Variants in FBXO41 observed in about 807,000 individuals in gnomAD.
FBXO41 encodes F-box protein 41, also known as F-box only protein 41.
FBXO41 carries 33 observed loss-of-function variants against 81.6 expected under a neutral mutation model. The observed-to-expected ratio is 0.40, with a 90% CI of 0.31 to 0.54. The LOEUF (loss-of-function observed/expected upper bound fraction) is 0.54, where lower values mean the gene tolerates loss of function less well. FBXO41 is among the 20% of genes least tolerant of loss of function. FBXO41 has a pLI of 0.39. For synonymous variants in FBXO41, 576 were observed against 552.7 expected (o/e 1.04, Z -0.59); for missense variants, 1,107 against 1,236.0 (o/e 0.90, Z 1.56).
rs1366354002 is a variant in FBXO41, at chr2:73,269,338, G to C, written c.293C>G (p.Pro98Arg). ...SFQGKEQAAG[P>R]SPAAPHLLHH... The stretch of plus-strand genomic sequence containing the variant: ...CAGCAGGTGCGGCGCCGCGGGCGAC[G>C]GCCCGGCCGCCTGCTCCTTGCCCTG... Residue 98 changes from proline to arginine, a missense_variant, in exon 2 of 13, where the codon CCG becomes CGG. Physicochemically the swap from Pro to Arg is moderately radical, Grantham distance 103 (BLOSUM62 -2). This residue lies in a region of FBXO41 where 771 missense variants were observed against 789.2 expected (regional missense o/e 0.98). Transcript: ENST00000520530. This position sits in a 1 kb window ranked among gnomAD's most constrained non-coding sequence, Gnocchi z 7.0. 7 of 1,520,298 alleles carry C rather than the reference G, an allele frequency of 4.6e-6. No homozygotes were observed. Among genetic ancestry groups the C allele is most frequent in the Middle Eastern group, 3.5e-4 (2 of 5,692 alleles). The allele number at this position is 1,520,298 out of a possible 1,614,324, so 94.2% of individuals were successfully genotyped here.
At chr2:73,268,080 G>A (rs1163356496) in intron 2 of FBXO41, among the ~76,000 whole-genome samples, 1 of 152,200 alleles carries the variant, frequency 6.6e-6, no homozygotes, top group Non-Finnish European at 1.5e-5. Context: ...TGTCCCGGAA[G>A]CCAAGTGAAG....
In FBXO41 at chr2:73,256,093, T is replaced by C. The variant is rs1007126098; in HGVS notation, c.*2889A>G. ...AGGTAGGTACTGGGGCCAGACTGGA[T>C]GGCAGGGGGTGGTAGAAACACCAAG... On this transcript the variant is annotated 3_prime_UTR_variant, in exon 13 of 13. Transcript: ENST00000520530. 1.3e-5 allele frequency: 2 copies of C among 152,156 alleles called. No individual in the cohort carries two copies. Among genetic ancestry groups the C allele is most frequent in the African/African-American group, 4.8e-5 (2 of 41,424 alleles). The allele number at this position is 152,156 out of a possible 1,614,324, so 9.4% of individuals were successfully genotyped here.
At chr2:73,281,810 A>C (rs575568403) in intron 1 of FBXO41, among the ~76,000 whole-genome samples, 1 of 152,192 alleles carries the variant, frequency 6.6e-6, no homozygotes, top group Non-Finnish European at 1.5e-5. Context: ...TTAAATCCAG[A>C]AATTCTGGGG....
chr2:73,267,630 A>G (rs1688316684), intron 2 of FBXO41, among the ~76,000 whole-genome samples: 1 of 152,172 alleles, frequency 6.6e-6, no homozygotes, highest in Non-Finnish European at 1.5e-5. Context: ...CTATATACAA[A>G]TGCTCCTTGG....
Position 73,268,812 on chromosome 2 carries a change from G to A in FBXO41, c.819C>T (p.Ser273=), listed in dbSNP as rs1200549460. Reference sequence around the variant, plus strand: ...GCTCTACGCTCACGTCCACCTGGCGGGAGAGCTCAGACGCGCGCTCCTCCA... The same window carrying A: ...GCTCTACGCTCACGTCCACCTGGCGAGAGAGCTCAGACGCGCGCTCCTCCA... The part of the protein sequence containing the change: ...EELEERASEL[S]RQVDVSVELL... Residue 273 remains serine, a synonymous_variant, in exon 2 of 13, where the codon TCC becomes TCT. Coordinates refer to ENST00000520530, the MANE Select transcript of FBXO41 (RefSeq NM_001371389.2). The A allele has an allele frequency of 1.3e-6, 2 of 1,579,454 alleles. No homozygotes were observed. The highest frequency in any genetic ancestry group is 1.4e-5 in the African/African-American group (1 of 73,864).
intron 1 of FBXO41, among the ~76,000 whole-genome samples, chr2:73,281,988 G>A (rs1688859348): frequency 6.6e-6 from 1 of 152,200 alleles, no homozygotes; most frequent in Non-Finnish European, 1.5e-5. Flanking sequence ...GCCCATGGTA[G>A]CATGCAATAA....
In FBXO41 at chr2:73,258,012, G is replaced by A. The variant is rs941667535; in HGVS notation, c.*970C>T. The A allele has an allele frequency of 6.6e-6, 1 of 152,254 alleles. No individual in the cohort carries two copies. The highest frequency in any genetic ancestry group is 1.5e-5 in the Non-Finnish European group (1 of 68,076). 9.4% of individuals were successfully genotyped at this position (152,254 alleles called of 1,614,324 possible). A position where few individuals can be genotyped will look rare whatever the true frequency, so the allele number is the denominator to read the frequency against. On this transcript the variant is annotated 3_prime_UTR_variant, in exon 13 of 13. Coordinates refer to ENST00000520530, the MANE Select transcript of FBXO41 (RefSeq NM_001371389.2). ...CTTCCTCCACGGCCTCAGCACAGAG[G>A]GCGGCCCTGTGCCTCCCTCCCAGAC...
chr2:73,264,056 G>A lies in FBXO41; in HGVS notation c.1807-3C>T. ...CACTGAGCCAGCATTGCCAGGAACT[G>A]TGGGGGAGGGGAAGGACATTTGGAG... On this transcript the variant is annotated splice_region_variant and splice_polypyrimidine_tract_variant and intron_variant, in intron 6 of 12. Transcript: ENST00000520530. 6.3e-7 allele frequency: 1 copy of A among 1,585,892 alleles called. No individual in the cohort carries two copies. Among genetic ancestry groups the A allele is most frequent in the Non-Finnish European group, 8.6e-7 (1 of 1,165,640 alleles).
In FBXO41 at chr2:73,269,537, T is replaced by C; in HGVS notation, c.94A>G (p.Ser32Gly). The change falls in exon 2 of 13, where the codon AGC (serine) becomes GGC (glycine). Residue 32 changes from serine (S) to glycine (G), a missense_variant. Around this residue, in one of 2 missense-constraint regions of FBXO41, gnomAD observed 771 missense variants for 789.2 expected, o/e 0.98. Coordinates refer to ENST00000520530, the MANE Select transcript of FBXO41 (RefSeq NM_001371389.2). This position sits in a 1 kb window ranked among gnomAD's most constrained non-coding sequence, Gnocchi z 7.0. ...ATGTAGAGCGTCTCGTAGGTGTGGC[T>C]GTACTCCAGGTGCGCGCGCAGCGAC... ...LSSLRAHLEYSHTYETLYILS... is the reference protein window; with the variant it reads ...LSSLRAHLEYGHTYETLYILS... 7.3e-7 allele frequency: 1 copy of C among 1,369,928 alleles called. No individual in the cohort carries two copies. The allele number at this position is 1,369,928 out of a possible 1,614,324, so 84.9% of individuals were successfully genotyped here.
rs917897987 is a variant in FBXO41 at position 73,256,332 on chromosome 2, T to G, written c.*2650A>C. The G allele has an allele frequency of 1.1e-4, 17 of 152,256 alleles. No homozygotes were observed. The highest frequency in any genetic ancestry group is 3.4e-4 in the African/African-American group (14 of 41,430). The allele number at this position is 152,256 out of a possible 1,614,324, so 9.4% of individuals were successfully genotyped here. On this transcript the variant is annotated 3_prime_UTR_variant, in exon 13 of 13. Transcript: ENST00000520530. ...GCTGTATGGTCACCAAAAAAATCCA[T>G]GCATAGAGCCTCCCAGCAAGCAAAA...
intron 1 of FBXO41, among the ~76,000 whole-genome samples, chr2:73,277,974 C>T (rs13417094): frequency 0.15 from 23,448 of 152,188 alleles, 2,097 homozygotes; most frequent in East Asian, 0.43. Flanking sequence ...TAGGTGGGCA[C>T]ATGACCCAGG....
intron 5 of FBXO41, among the ~76,000 whole-genome samples, chr2:73,264,864 A>G (rs576539789): frequency 6.6e-6 from 1 of 152,210 alleles, no homozygotes; most frequent in East Asian, 1.9e-4. Context: ...AACAGAAGGC[A>G]GGCATGGGGC....
At position 73,255,210 on chromosome 2, in the gene FBXO41, G is replaced by A. The variant is rs1200187891; in HGVS notation, c.*3772C>T. 3 of 152,702 alleles carry A rather than the reference G, an allele frequency of 2.0e-5. No homozygotes were observed. The highest frequency in any genetic ancestry group is 4.4e-5 in the Non-Finnish European group (3 of 68,064). The allele number at this position is 152,702 out of a possible 1,614,324, so 9.5% of individuals were successfully genotyped here. A position where few individuals can be genotyped will look rare whatever the true frequency, so the allele number is the denominator to read the frequency against. Reference sequence around the variant, plus strand: ...TGCTGGCAGTGGCAGAGGAGGCTTGGCCTCACGGTGGGGAGCCTGCCTGAT... The same window carrying A: ...TGCTGGCAGTGGCAGAGGAGGCTTGACCTCACGGTGGGGAGCCTGCCTGAT... On this transcript the variant is annotated 3_prime_UTR_variant, in exon 13 of 13. Coordinates refer to ENST00000520530, the MANE Select transcript of FBXO41 (RefSeq NM_001371389.2).
At chr2:73,270,772 G>C (rs1688468501) in intron 1 of FBXO41, 2 of 532,248 alleles carry the variant, frequency 3.8e-6, no homozygotes, top group Admixed American at 1.9e-5. Context: ...TCCATCTCTG[G>C]CTTCTTGTCA....
chr2:73,268,938 C>A lies in FBXO41; in HGVS notation c.693G>T (p.Ala231=). 2 of 1,540,018 alleles carry A rather than the reference C, an allele frequency of 1.3e-6. No homozygotes were observed. Among genetic ancestry groups the A allele is most frequent in the Non-Finnish European group, 1.7e-6 (2 of 1,146,196 alleles). ...RLSEEVEQKI[A]GQVGRLQAEL... Reference sequence around the variant, plus strand: ...CGGCCTGCAGCCGGCCCACCTGGCCCGCGATCTTCTGCTCCACCTCCTCGC... The same window carrying A: ...CGGCCTGCAGCCGGCCCACCTGGCCAGCGATCTTCTGCTCCACCTCCTCGC... Residue 231 remains alanine, a synonymous_variant, in exon 2 of 13, where the codon GCG becomes GCT. Transcript: ENST00000520530.
intron 1 of FBXO41, chr2:73,270,739 T>C: frequency 3.8e-6 from 2 of 522,690 alleles, no homozygotes; most frequent in South Asian, 2.8e-5. Context: ...CCAACCCTCC[T>C]CACTGTCAAC....
Position 73,259,320 on chromosome 2 carries a change from G to A in FBXO41, c.2450-24C>T, listed in dbSNP as rs770290950. On this transcript the variant is annotated intron_variant, in intron 11 of 12. Transcript: ENST00000520530. The surrounding 1 kb of genome is among the most constrained non-coding windows in gnomAD (Gnocchi z 4.2). ...GCCTGAGAAAAGGTGAGCAAAGTAG[G>A]GGCGTGTTTGGCCTGGGCTGTGGAG... is the stretch of plus-strand genomic sequence containing the variant. 7.5e-6 allele frequency: 12 copies of A among 1,600,608 alleles called. No individual in the cohort carries two copies. Among genetic ancestry groups the A allele is most frequent in the Middle Eastern group, 1.7e-4 (1 of 6,046 alleles).
Position 73,269,232 on chromosome 2 carries a change from G to C in FBXO41, c.399C>G (p.Ala133=). The C allele has an allele frequency of 6.6e-7, 1 of 1,526,516 alleles. No homozygotes were observed. The allele number at this position is 1,526,516 out of a possible 1,614,324, so 94.6% of individuals were successfully genotyped here. A position where few individuals can be genotyped will look rare whatever the true frequency, so the allele number is the denominator to read the frequency against. The change falls in exon 2 of 13, where the codon GCC becomes GCG. Residue 133 remains alanine (A), a synonymous_variant. Transcript: ENST00000520530. This position sits in a 1 kb window ranked among gnomAD's most constrained non-coding sequence, Gnocchi z 7.0. ...VPASLPCEEL[A]EPGLVPAAAA... is the part of the protein sequence containing the mutation. ...CTGCGGCGGGCACAAGGCCCGGCTC[G>C]GCCAACTCCTCACAGGGCAGGCTAG...
intron 1 of FBXO41, chr2:73,273,173 A>G (rs954915433): frequency 3.3e-5 from 5 of 152,218 alleles, no homozygotes; most frequent in African/African-American, 1.2e-4. Flanking sequence ...CCAAACAAAC[A>G]GCCCCTTGCC....
Sources: allele counts gnomAD v4.1 joint callset (sites outside exome capture counted in the v4.1 genomes callset), GRCh38; gene constraint gnomAD v4.1.1; regional missense constraint gnomAD v4.1.1; non-coding constraint Gnocchi (gnomAD v3.1); transcripts MANE v1.5; gene names NCBI Gene and HGNC (gene_info 2026-07-23, HGNC 2026-07-21).